Variants in MED12L observed in about 807,000 individuals in gnomAD.
MED12L encodes mediator complex subunit 12L.
MED12L carries 60 observed loss-of-function variants against 281.3 expected under a neutral mutation model. That is an observed-to-expected ratio of 0.21 (90% CI 0.17 to 0.26). The LOEUF (loss-of-function observed/expected upper bound fraction) is 0.26. MED12L is among the 10% of genes least tolerant of loss of function. The pLI is 1.00. For synonymous variants in MED12L, 974 were observed against 987.2 expected, an observed-to-expected ratio of 0.99 and a Z score of 0.25; for missense variants, 2,146 against 2,680.9, an observed-to-expected ratio of 0.80 and a Z score of 4.41.
chr3:151,233,008 A>G (rs1440694625), intron 16 of MED12L, among the ~76,000 whole-genome samples: 4 of 152,218 alleles, frequency 2.6e-5, no homozygotes, highest in Admixed American at 2.6e-4. Context: ...AGCTATTACC[A>G]GACAGTGTAT....
intron 16 of MED12L, among the ~76,000 whole-genome samples, chr3:151,237,618 T>G (rs1200084326): frequency 3.9e-5 from 6 of 152,120 alleles, no homozygotes; most frequent in African/African-American, 1.4e-4. Flanking sequence ...CCCAAAGTGC[T>G]GGGATTACAG....
At chr3:151,109,217 G>A (rs994073742) in intron 2 of MED12L, among the ~76,000 whole-genome samples, 1 of 152,002 alleles carries the variant, frequency 6.6e-6, no homozygotes. Flanking sequence ...CACCACGCCC[G>A]GCAATTTTTT....
chr3:151,261,622 CAA>C (rs1738898268), intron 16 of MED12L, among the ~76,000 whole-genome samples: 2 of 152,056 alleles, frequency 1.3e-5, no homozygotes, highest in Non-Finnish European at 2.9e-5. Flanking sequence ...GCAAGTTACC[CAA>C]GACTCCCAGA....
At chr3:151,376,374 TG>T (rs1196186184) in intron 28 of MED12L, among the ~76,000 whole-genome samples, 160 bp downstream of exon 28, 1 of 152,210 alleles carries the variant, frequency 6.6e-6, no homozygotes, top group Non-Finnish European at 1.5e-5. Context: ...TATTTTTGGG[TG>T]GATGTACATG....
chr3:151,349,953 C>A (rs1393606981), intron 16 of MED12L, 106 bp from the exon 17 acceptor site: 8 of 979,640 alleles, frequency 8.2e-6, no homozygotes, highest in Non-Finnish European at 1.0e-5. Context: ...GGGATGCCAC[C>A]ACCGCAAGCC....
chr3:151,403,970 T>A (rs1024895049), intron 39 of MED12L, among the ~76,000 whole-genome samples: 2 of 152,212 alleles, frequency 1.3e-5, no homozygotes, highest in African/African-American at 4.8e-5. Flanking sequence ...TTGAAAAACT[T>A]GAGTTAAACT....
chr3:151,124,593 A>G (rs182129304), intron 4 of MED12L, among the ~76,000 whole-genome samples: 37 of 152,284 alleles, frequency 2.4e-4, no homozygotes, highest in Admixed American at 2.0e-3. Flanking sequence ...TTTGGTATTC[A>G]TCTGTGCGAT....
At position 151,165,493 on chromosome 3, in the gene MED12L, T is replaced by C. The variant is rs1457176994; in HGVS notation, c.1331T>C (p.Phe444Ser). ...CGTGCAGTGGAAGTTCGGTGGTCAT[T>C]TGACAAGTGCCAAGAATCCACAGCA... ...RGRAVEVRWSFDKCQESTAGV... is the reference protein window; with the variant it reads ...RGRAVEVRWSSDKCQESTAGV... Residue 444 changes from phenylalanine (F) to serine (S), a missense_variant, in exon 10 of 45, where the codon TTT (phenylalanine) becomes TCT (serine). Coordinates refer to ENST00000687756, the MANE Select transcript of MED12L (RefSeq NM_001393769.1). The C allele has an allele frequency of 1.2e-6, 2 of 1,613,618 alleles. No homozygotes were observed. The highest frequency in any genetic ancestry group is 1.3e-5 in the African/African-American group (1 of 74,896).
At chr3:151,313,092 C>T (rs915451091) in intron 16 of MED12L, among the ~76,000 whole-genome samples, 2 of 152,156 alleles carry the variant, frequency 1.3e-5, no homozygotes, top group Admixed American at 1.3e-4. Context: ...AGTGCTAGAG[C>T]TTGCCCTCAT....
chr3:151,294,558 A>T (rs749115019), intron 16 of MED12L: 6 of 1,614,174 alleles, frequency 3.7e-6, no homozygotes, highest in Non-Finnish European at 5.1e-6. Context: ...ATGTACCTGG[A>T]TATGGCTATG....
chr3:151,172,956 T>A (rs1019473948), intron 11 of MED12L, among the ~76,000 whole-genome samples: 1 of 152,222 alleles, frequency 6.6e-6, no homozygotes. Flanking sequence ...TCTAGTAACA[T>A]AGTTGGGAAA....
intron 21 of MED12L, among the ~76,000 whole-genome samples, chr3:151,362,628 T>C (rs1388625): frequency 0.11 from 16,950 of 152,150 alleles, 1,244 homozygotes; most frequent in Middle Eastern, 0.17. Context: ...CCTTAGAATG[T>C]ATGCTTCATG....
rs1723568111 is a variant in MED12L, at chr3:151,188,599, G to GTTATACATTATACATAATGTATGTATAA, written c.1753+121_1753+122insATACATTATACATAATGTATGTATAATT. ...ATTCTTGGCACTGAATATAATGTAT[G>GTTATACATTATACATAATGTATGTATAA]TTTTACTGAGCAAAATTTTGTGGCA... On this transcript the variant is annotated intron_variant, in intron 13 of 44. Transcript: ENST00000687756. The GTTATACATTATACATAATGTATGTATAA allele has an allele frequency of 4.9e-5, 48 of 975,242 alleles. No individual in the cohort carries two copies. In the South Asian group the frequency reaches 7.4e-4, roughly 15 times the overall value. The allele number at this position is 975,242 out of a possible 1,614,324, so 60.4% of individuals were successfully genotyped here.
chr3:151,354,377 C>T (rs1753664686), intron 17 of MED12L, among the ~76,000 whole-genome samples: 1 of 151,822 alleles, frequency 6.6e-6, no homozygotes, highest in Non-Finnish European at 1.5e-5. Flanking sequence ...CCTCTTTATG[C>T]TAATTTGATA....
At chr3:151,273,536 C>T (rs553741816) in intron 16 of MED12L, among the ~76,000 whole-genome samples, 3 of 151,864 alleles carry the variant, frequency 2.0e-5, no homozygotes, top group East Asian at 1.9e-4. Flanking sequence ...CCACTGCGCC[C>T]GGCCTGATTG....
At chr3:151,156,051 A>G (rs1012315354) in intron 5 of MED12L, 110 bp from the exon 6 acceptor site, 3 of 890,852 alleles carry the variant, frequency 3.4e-6, no homozygotes, top group Non-Finnish European at 5.0e-6. Flanking sequence ...TAGGGAGCAG[A>G]TGTTTGTTTT....
At chr3:151,087,056 G>GCGCTCTGCA (rs760895959) in intron 2 of MED12L, 31 bp downstream of exon 2, 2 of 1,557,626 alleles carry the variant, frequency 1.3e-6, no homozygotes, top group African/African-American at 2.7e-5. Flanking sequence ...CCCGGCAACC[G>GCGCTCTGCA]GGGCCGCGCT....
chr3:151,221,212 A>G (rs1729279434), intron 16 of MED12L, among the ~76,000 whole-genome samples: 1 of 152,324 alleles, frequency 6.6e-6, no homozygotes, highest in African/African-American at 2.4e-5. Flanking sequence ...AGCATTAAAG[A>G]GGTGACTTGG....
intron 16 of MED12L, among the ~76,000 whole-genome samples, chr3:151,346,723 C>A (rs1054671805): frequency 6.6e-6 from 1 of 152,092 alleles, no homozygotes; most frequent in African/African-American, 2.4e-5. Flanking sequence ...GCTCTCTTAG[C>A]CCTTCTTCCC....
Sources: gnomAD v4.1 joint callset for allele counts (sites outside exome capture counted in the v4.1 genomes callset) on GRCh38, gnomAD v4.1.1 for gene constraint, MANE v1.5 for transcripts, NCBI Gene and HGNC (gene_info 2026-07-23, HGNC 2026-07-21) for gene names.